Variants in RAD54B observed in about 807,000 individuals in gnomAD.
The protein encoded by RAD54B is DNA repair and recombination protein RAD54B.
A neutral mutation model predicts 95.8 loss-of-function variants in RAD54B; 78 were observed. The ratio of observed to expected loss-of-function variants is 0.81; its 90% CI spans 0.68 to 0.98. The LOEUF (loss-of-function observed/expected upper bound fraction) is 0.98. Among genes scored for constraint, RAD54B ranks in the 50% least tolerant of loss-of-function variants. The pLI is 0.00. For synonymous variants in RAD54B, 328 were observed against 354.9 expected, an observed-to-expected ratio of 0.92 and a Z score of 0.85; for missense variants, 957 against 1,056.6, an observed-to-expected ratio of 0.91 and a Z score of 1.31.
At chr8:94,401,003 CCTA>C (rs1229989621) in intron 6 of RAD54B, among the ~76,000 whole-genome samples, 25 of 152,146 alleles carry the variant, frequency 1.6e-4, no homozygotes, top group African/African-American at 4.8e-4. Flanking sequence ...ATCCTACAGA[CCTA>C]CTGTTATATA....
intron 10 of RAD54B, among the ~76,000 whole-genome samples, chr8:94,389,325 A>T (rs1810963187): frequency 1.3e-5 from 2 of 152,196 alleles, no homozygotes; most frequent in African/African-American, 2.4e-5. Flanking sequence ...AGGCTTTTTT[A>T]AAAATGCTCA....
intron 11 of RAD54B, among the ~76,000 whole-genome samples, chr8:94,384,621 C>A (rs2129967445): frequency 6.6e-6 from 1 of 152,184 alleles, no homozygotes; most frequent in East Asian, 1.9e-4. Context: ...GTACTTAACA[C>A]TACAGAATTA....
intron 3 of RAD54B, among the ~76,000 whole-genome samples, chr8:94,448,746 A>T (rs1280578116): frequency 1.3e-5 from 2 of 150,986 alleles, no homozygotes; most frequent in Non-Finnish European, 2.9e-5. Context: ...AACAGTGGTT[A>T]CTAGAACAGA....
At chr8:94,473,697 T>C (rs905314051) in intron 1 of RAD54B, among the ~76,000 whole-genome samples, 2 of 152,194 alleles carry the variant, frequency 1.3e-5, no homozygotes, top group South Asian at 2.1e-4. Flanking sequence ...GAGAGGTATG[T>C]GCAACCATCA....
At chr8:94,393,940 A>C in intron 8 of RAD54B, 58 bp from the exon 9 acceptor site, 3 of 1,436,174 alleles carry the variant, frequency 2.1e-6, no homozygotes, top group Non-Finnish European at 2.8e-6. Context: ...TCACAATCTC[A>C]GGTTTATAGC....
At chr8:94,474,483 G>A (rs1813246681) in intron 1 of RAD54B, among the ~76,000 whole-genome samples, 1 of 152,148 alleles carries the variant, frequency 6.6e-6, no homozygotes, top group Admixed American at 6.5e-5. Context: ...GTAGTAAGTC[G>A]AGAAGCATCT....
chr8:94,411,232 A>G lies in RAD54B; in HGVS notation c.388T>C (p.Trp130Arg). 6.2e-7 allele frequency: 1 copy of G among 1,612,346 alleles called. No homozygotes were observed. The highest frequency in any genetic ancestry group is 1.1e-5 in the South Asian group (1 of 90,780). ...DSLVKYFSVV[W>R]CKPSKKKHKK... ...TGTTTTTTCTTTGAAGGCTTACACC[A>G]AACAACACTGAAATATTTAACTAGG... is the stretch of plus-strand genomic sequence containing the variant. The change falls in exon 4 of 15, where the codon TGG (tryptophan) becomes CGG (arginine). Residue 130 changes from tryptophan to arginine, a missense_variant. Coordinates refer to ENST00000336148, the MANE Select transcript of RAD54B (RefSeq NM_012415.3).
At chr8:94,438,599 TTCA>T (rs1812327029) in intron 3 of RAD54B, among the ~76,000 whole-genome samples, 1 of 152,192 alleles carries the variant, frequency 6.6e-6, no homozygotes, top group African/African-American at 2.4e-5. Flanking sequence ...TTTTGTTATT[TTCA>T]GAAGAAATAC....
intron 3 of RAD54B, among the ~76,000 whole-genome samples, chr8:94,443,260 A>G (rs1812442582): frequency 6.6e-6 from 1 of 152,144 alleles, no homozygotes; most frequent in African/African-American, 2.4e-5. Context: ...TATAAGTGGG[A>G]GCTGAATGAT....
At chr8:94,429,906 A>G (rs1303439254) in intron 3 of RAD54B, 9 of 985,226 alleles carry the variant, frequency 9.1e-6, no homozygotes, top group Non-Finnish European at 1.1e-5. Flanking sequence ...AGTTCTTCCA[A>G]TACAATGCCT....
chr8:94,407,267 A>G (rs1240789066), intron 5 of RAD54B, among the ~76,000 whole-genome samples, 172 bp downstream of exon 5: 1 of 152,178 alleles, frequency 6.6e-6, no homozygotes, highest in Non-Finnish European at 1.5e-5. Context: ...AATAATTCCC[A>G]AACTATATTG....
intron 3 of RAD54B, among the ~76,000 whole-genome samples, chr8:94,433,178 A>G (rs374912226): frequency 6.6e-6 from 1 of 152,294 alleles, no homozygotes; most frequent in Non-Finnish European, 1.5e-5. Context: ...CCAAAAAATA[A>G]AACATAAAGA....
In RAD54B at chr8:94,371,993, T is replaced by C. The variant is rs563252021; in HGVS notation, c.*177A>G. ...TATAAGCACATCTTTATTTTTCATTTAAACACTTAATATTTACAAAACATT... is the reference window on the plus strand; with the variant it reads ...TATAAGCACATCTTTATTTTTCATTCAAACACTTAATATTTACAAAACATT... On this transcript the variant is annotated 3_prime_UTR_variant, in exon 15 of 15. Transcript: ENST00000336148. 7 of 1,089,514 alleles carry C rather than the reference T, an allele frequency of 6.4e-6. No individual in the cohort carries two copies. In the South Asian group the frequency reaches 1.5e-4, roughly 24 times the overall value. The allele number at this position is 1,089,514 out of a possible 1,614,324, so 67.5% of individuals were successfully genotyped here.
chr8:94,456,196 C>T (rs1341321272), intron 3 of RAD54B, among the ~76,000 whole-genome samples: 3 of 152,194 alleles, frequency 2.0e-5, no homozygotes, highest in Admixed American at 2.0e-4. Flanking sequence ...GGTAGACCTA[C>T]ATCTTCATTC....
At position 94,381,947 on chromosome 8, in the gene RAD54B, A is replaced by G. The variant is rs549675207; in HGVS notation, c.1986-1541T>C. On this transcript the variant is annotated intron_variant, in intron 11 of 14. Coordinates refer to ENST00000336148, the MANE Select transcript of RAD54B (RefSeq NM_012415.3). Reference sequence around the variant, plus strand: ...GCTAACACGGTGAAACCCCGTCTCTACTAAAAATACAAAAAAATTAGTCGG... The same window carrying G: ...GCTAACACGGTGAAACCCCGTCTCTGCTAAAAATACAAAAAAATTAGTCGG... Among the ~76,000 whole-genome samples, 4 of 152,246 alleles carry G rather than the reference A, an allele frequency of 2.6e-5. No individual in the cohort carries two copies. The South Asian group carries it at 8.3e-4, about 32-fold the overall frequency.
chr8:94,399,561 C>T lies in RAD54B; in HGVS notation c.1231G>A (p.Glu411Lys). 6.2e-7 allele frequency: 1 copy of T among 1,612,840 alleles called. No homozygotes were observed. The highest frequency in any genetic ancestry group is 8.5e-7 in the Non-Finnish European group (1 of 1,179,398). ...TGATCCAGGGAACGAAGTAACATTTCATAACTGATAATAAGAACAGAATAA... is the reference window on the plus strand; with the variant it reads ...TGATCCAGGGAACGAAGTAACATTTTATAACTGATAATAAGAACAGAATAA... ...IFYSVLIISY[E>K]MLLRSLDQIK... Residue 411 changes from glutamate to lysine, a missense_variant, in exon 8 of 15, where the codon GAA becomes AAA. By Grantham distance (56) the Glu-to-Lys change is moderately conservative. Coordinates refer to ENST00000336148, the MANE Select transcript of RAD54B (RefSeq NM_012415.3).
chr8:94,392,018 G>T (rs1811035131), intron 9 of RAD54B, 119 bp from the exon 10 acceptor site: 2 of 955,152 alleles, frequency 2.1e-6, no homozygotes, highest in Admixed American at 2.7e-5. Flanking sequence ...AATTTTAAAA[G>T]AAATAAAATA....
chr8:94,415,948 G>T (rs1355068175), intron 3 of RAD54B, among the ~76,000 whole-genome samples: 19 of 151,918 alleles, frequency 1.3e-4, no homozygotes, highest in Non-Finnish European at 1.9e-4. Flanking sequence ...CATTGTGGAA[G>T]TCAGTGTGGC....
chr8:94,390,207 T>A (rs1208982521), intron 10 of RAD54B, among the ~76,000 whole-genome samples: 2 of 151,160 alleles, frequency 1.3e-5, no homozygotes, highest in Admixed American at 6.6e-5. Flanking sequence ...TTAAAAAAAA[T>A]AAATAAAAAG....
Sources: allele counts gnomAD v4.1 joint callset (sites outside exome capture counted in the v4.1 genomes callset), GRCh38; gene constraint gnomAD v4.1.1; transcripts MANE v1.5; gene names NCBI Gene and HGNC (gene_info 2026-07-23, HGNC 2026-07-21).